CTNNA3: variants seen among roughly 807,000 people sequenced by gnomAD.
The protein encoded by CTNNA3 is catenin alpha-3.
CTNNA3 carries 76 observed loss-of-function variants against 95.7 expected under a neutral mutation model. That is an observed-to-expected ratio of 0.79 (90% confidence interval 0.66 to 0.96). The LOEUF is 0.96. CTNNA3 is among the 40% of genes least tolerant of loss of function. CTNNA3 has a pLI of 0.00. For synonymous variants in CTNNA3, 431 were observed against 374.4 expected (o/e 1.15, Z -1.74); for missense variants, 1,191 against 1,089.8 (o/e 1.09, Z -1.31).
At chr10:67,078,769 G>T (rs1322362811) in intron 7 of CTNNA3, among the ~76,000 whole-genome samples, 3 of 151,976 alleles carry the variant, frequency 2.0e-5, no homozygotes, top group African/African-American at 7.3e-5. Context: ...GCCCACCTCG[G>T]CCCCCCAACG....
intron 7 of CTNNA3, among the ~76,000 whole-genome samples, chr10:67,036,449 A>T (rs1374796164): frequency 6.6e-6 from 1 of 152,040 alleles, no homozygotes; most frequent in East Asian, 1.9e-4. Flanking sequence ...GCAAATCATG[A>T]GGTCAGGAGT....
intron 12 of CTNNA3, among the ~76,000 whole-genome samples, chr10:66,290,209 A>G (rs1400063879): frequency 6.6e-6 from 1 of 152,082 alleles, no homozygotes; most frequent in Non-Finnish European, 1.5e-5. Context: ...AAGTGAATTA[A>G]AAGCAGCTTT....
chr10:66,204,030 C>T (rs997078788), intron 13 of CTNNA3, among the ~76,000 whole-genome samples: 2 of 152,088 alleles, frequency 1.3e-5, no homozygotes, highest in Non-Finnish European at 2.9e-5. Flanking sequence ...ATTTTACAGA[C>T]ACATTGTCAT....
intron 7 of CTNNA3, among the ~76,000 whole-genome samples, chr10:67,092,346 C>T (rs1177931230): frequency 6.6e-6 from 1 of 151,898 alleles, no homozygotes; most frequent in Non-Finnish European, 1.5e-5. Flanking sequence ...AGACATAACA[C>T]TTACCAAGCA....
intron 11 of CTNNA3, among the ~76,000 whole-genome samples, chr10:66,482,169 G>A (rs921346620): frequency 6.6e-6 from 1 of 152,056 alleles, no homozygotes; most frequent in African/African-American, 2.4e-5. Flanking sequence ...TATGTCTAAC[G>A]CAGACTGTCC....
At chr10:67,151,664 G>A (rs1861093657) in intron 7 of CTNNA3, among the ~76,000 whole-genome samples, 2 of 152,170 alleles carry the variant, frequency 1.3e-5, no homozygotes, top group African/African-American at 4.8e-5. Flanking sequence ...AGGCTTACAT[G>A]CTCAGGGAGC....
intron 12 of CTNNA3, among the ~76,000 whole-genome samples, chr10:66,295,258 T>C (rs931275068): frequency 6.6e-6 from 1 of 152,238 alleles, no homozygotes; most frequent in Non-Finnish European, 1.5e-5. Flanking sequence ...TTAATGAAAC[T>C]GCATTTATCT....
chr10:66,171,630 T>A (rs922343532), intron 13 of CTNNA3, among the ~76,000 whole-genome samples: 2 of 152,090 alleles, frequency 1.3e-5, no homozygotes, highest in African/African-American at 4.8e-5. Flanking sequence ...CGTTATGATG[T>A]CCTGCTTGGC....
chr10:66,167,790 C>T lies in CTNNA3; in HGVS notation c.1885-64541G>A, dbSNP rs2085210739. ...AGAAGAAAGGATGATTGGGTACAAA[C>T]TTCCTAGACTGCTGTGCAGTTTGAG... On this transcript the variant is annotated intron_variant, in intron 13 of 17. Transcript: ENST00000433211. Among the ~76,000 whole-genome samples, 4 of 152,136 alleles carry T rather than the reference C, an allele frequency of 2.6e-5. No homozygotes were observed. The South Asian group carries it at 8.3e-4, about 31-fold the overall frequency.
intron 7 of CTNNA3, among the ~76,000 whole-genome samples, chr10:67,067,528 A>G (rs1856167806): frequency 6.6e-6 from 1 of 152,234 alleles, no homozygotes; most frequent in Admixed American, 6.5e-5. Context: ...GTGCATAAAA[A>G]TGCTGACTAT....
intron 7 of CTNNA3, among the ~76,000 whole-genome samples, chr10:67,059,740 A>G (rs965715462): frequency 6.6e-6 from 1 of 152,158 alleles, no homozygotes; most frequent in Admixed American, 6.5e-5. Context: ...AAATCTGAAA[A>G]TGCATAATGA....
intron 5 of CTNNA3, among the ~76,000 whole-genome samples, chr10:67,410,955 A>G (rs1187440639): frequency 6.6e-6 from 1 of 152,192 alleles, no homozygotes; most frequent in Non-Finnish European, 1.5e-5. Context: ...AAGCACAGAA[A>G]GACAAATACT....
intron 3 of CTNNA3, among the ~76,000 whole-genome samples, chr10:67,599,394 A>G (rs1377328252): frequency 1.3e-5 from 2 of 152,228 alleles, no homozygotes; most frequent in Non-Finnish European, 2.9e-5. Context: ...AATGTCACCC[A>G]TAGTAAAAGA....
chr10:67,031,250 A>G (rs1853708789), intron 7 of CTNNA3, among the ~76,000 whole-genome samples: 1 of 152,170 alleles, frequency 6.6e-6, no homozygotes. Flanking sequence ...CTTTCCTAGT[A>G]AAACTGTTCA....
chr10:66,809,735 GT>G (rs1841799982), intron 7 of CTNNA3, among the ~76,000 whole-genome samples: 1 of 151,224 alleles, frequency 6.6e-6, no homozygotes, highest in Non-Finnish European at 1.5e-5. Context: ...TAGTTAGACG[GT>G]CTTTGGCACA....
intron 7 of CTNNA3, among the ~76,000 whole-genome samples, chr10:67,029,128 T>G (rs1195716791): frequency 6.6e-6 from 1 of 152,202 alleles, no homozygotes; most frequent in Non-Finnish European, 1.5e-5. Flanking sequence ...CTCTCTACTG[T>G]TCAGCATAAT....
chr10:67,522,440 C>G (rs1840016145), intron 4 of CTNNA3, among the ~76,000 whole-genome samples: 3 of 152,006 alleles, frequency 2.0e-5, no homozygotes, highest in African/African-American at 7.3e-5. Context: ...ATAATAATAT[C>G]TATGCAGAAT....
At chr10:66,096,020 C>A (rs1287291185) in intron 14 of CTNNA3, among the ~76,000 whole-genome samples, 1 of 152,070 alleles carries the variant, frequency 6.6e-6, no homozygotes, top group East Asian at 1.9e-4. Context: ...AATAATGTAT[C>A]TTTAAAAATG....
At chr10:65,960,624 A>C (rs530886808) in intron 17 of CTNNA3, among the ~76,000 whole-genome samples, 1 of 152,302 alleles carries the variant, frequency 6.6e-6, no homozygotes, top group South Asian at 2.1e-4. Context: ...TCATCTCTCA[A>C]ATAGTGAACA....
Sources: allele counts gnomAD v4.1 joint callset (sites outside exome capture counted in the v4.1 genomes callset), GRCh38; gene constraint gnomAD v4.1.1; transcripts MANE v1.5; gene names NCBI Gene and HGNC (gene_info 2026-07-23, HGNC 2026-07-21).